Variants in TRIM44 observed in about 807,000 individuals in gnomAD.
The protein encoded by TRIM44 is tripartite motif-containing protein 44.
A neutral mutation model predicts 37.4 loss-of-function variants in TRIM44; 13 were observed. The ratio of observed to expected loss-of-function variants is 0.35; its 90% CI spans 0.23 to 0.55. The LOEUF (loss-of-function observed/expected upper bound fraction) is 0.55. Ranked by LOEUF, TRIM44 falls within the 20% of genes least tolerant of loss-of-function variation. TRIM44 has a pLI of 0.89. For missense variants in TRIM44, 426 were observed against 437.2 expected (o/e 0.97, Z 0.23); for synonymous variants, 175 against 157.2 (o/e 1.11, Z -0.85).
rs1852218063 is a variant in TRIM44, at chr11:35,728,831, C to T, written c.987+2668C>T. Among the ~76,000 whole-genome samples, 4 of 152,230 alleles carry T rather than the reference C, an allele frequency of 2.6e-5. No individual in the cohort carries two copies. In the South Asian group the frequency reaches 8.3e-4, roughly 32 times the overall value. ...CTAGATTCTCCTATTAACATTTTGCCGTACTTGCTTCATTACATATCTAGC... is the reference window on the plus strand; with the variant it reads ...CTAGATTCTCCTATTAACATTTTGCTGTACTTGCTTCATTACATATCTAGC... On this transcript the variant is annotated intron_variant, in intron 3 of 4. Coordinates refer to ENST00000299413, the MANE Select transcript of TRIM44 (RefSeq NM_017583.6).
At chr11:35,796,858 A>G (rs932081040) in intron 4 of TRIM44, among the ~76,000 whole-genome samples, 3 of 152,220 alleles carry the variant, frequency 2.0e-5, no homozygotes, top group African/African-American at 7.2e-5. Context: ...ATACATGCAT[A>G]TATATGCACA....
intron 1 of TRIM44, among the ~76,000 whole-genome samples, chr11:35,677,406 A>G (rs1469165558): frequency 6.6e-6 from 1 of 151,338 alleles, no homozygotes; most frequent in Non-Finnish European, 1.5e-5. Context: ...AATTTTAATT[A>G]GTAAAATATT....
chr11:35,720,910 T>C (rs1272867238), intron 2 of TRIM44, among the ~76,000 whole-genome samples: 1 of 131,880 alleles, frequency 7.6e-6, no homozygotes, highest in Non-Finnish European at 1.6e-5. Context: ...TATATAATTC[T>C]TTTTTTTTTT....
intron 1 of TRIM44, among the ~76,000 whole-genome samples, chr11:35,680,061 C>G (rs754667975): frequency 6.6e-6 from 1 of 152,158 alleles, no homozygotes; most frequent in Admixed American, 6.5e-5. Context: ...TTCAGACCCC[C>G]TGAAATCCAT....
chr11:35,721,980 C>G lies in TRIM44; in HGVS notation c.748-3944C>G, dbSNP rs140099563. ...GAGTCTGGCCTAAGTTTGGAAGGAG[C>G]TGTCTTGGAGTACAATGTAGGAATA... is the stretch of plus-strand genomic sequence containing the variant. On this transcript the variant is annotated intron_variant, in intron 2 of 4. Coordinates refer to ENST00000299413, the MANE Select transcript of TRIM44 (RefSeq NM_017583.6). 3.2e-4 allele frequency among the ~76,000 whole-genome samples: 49 copies of G among 152,338 alleles called. 1 individual carries two copies. The East Asian group carries it at 7.3e-3, about 23-fold the overall frequency.
intron 4 of TRIM44, among the ~76,000 whole-genome samples, chr11:35,774,859 T>C (rs1476599122): frequency 6.6e-6 from 1 of 152,234 alleles, no homozygotes; most frequent in Non-Finnish European, 1.5e-5. Flanking sequence ...CATGCTGTTT[T>C]GCTTACTGGA....
chr11:35,806,934 G>A lies in TRIM44; in HGVS notation c.*549G>A, dbSNP rs1369766771. The A allele has an allele frequency of 1.3e-5, 2 of 152,810 alleles. No individual in the cohort carries two copies. Among genetic ancestry groups the A allele is most frequent in the East Asian group, 3.9e-4 (2 of 5,180 alleles). 9.5% of individuals were successfully genotyped at this position (152,810 alleles called of 1,614,324 possible). ...AATTAAGATGGATGACTGGAAAAAGGTGTTGGAGAAAGAGTTAAAGATGAG... is the reference window on the plus strand; with the variant it reads ...AATTAAGATGGATGACTGGAAAAAGATGTTGGAGAAAGAGTTAAAGATGAG... On this transcript the variant is annotated 3_prime_UTR_variant, in exon 5 of 5. Transcript: ENST00000299413.
At chr11:35,722,858 T>C (rs542430524) in intron 2 of TRIM44, among the ~76,000 whole-genome samples, 49 of 152,336 alleles carry the variant, frequency 3.2e-4, no homozygotes, top group Non-Finnish European at 4.9e-4. Context: ...TTCAGACGCC[T>C]GTGACAAAAC....
At position 35,775,420 on chromosome 11, in the gene TRIM44, GA is replaced by G. The variant is rs1281619120; in HGVS notation, c.1008-30937del. Among the ~76,000 whole-genome samples the G allele has an allele frequency of 3.3e-5, 5 of 152,172 alleles. No individual in the cohort carries two copies. The East Asian group carries it at 9.6e-4, about 29-fold the overall frequency. On this transcript the variant is annotated intron_variant, in intron 4 of 4. Coordinates refer to ENST00000299413, the MANE Select transcript of TRIM44 (RefSeq NM_017583.6). ...TACAATCATATTATCTGCAAACAGG[GA>G]CAATTTGACTTCCTCTTTTGCTAAT...
chr11:35,729,567 T>C (rs1852227150), intron 3 of TRIM44, among the ~76,000 whole-genome samples: 1 of 152,164 alleles, frequency 6.6e-6, no homozygotes, highest in Admixed American at 6.6e-5. Context: ...TTATTGGAAT[T>C]TTATCATTCA....
chr11:35,788,082 C>G (rs560321222), intron 4 of TRIM44, among the ~76,000 whole-genome samples: 3 of 152,266 alleles, frequency 2.0e-5, no homozygotes, highest in East Asian at 3.9e-4. Flanking sequence ...CTACTGCTCC[C>G]CCATGAACAG....
chr11:35,673,307 ATT>A (rs1207146308), intron 1 of TRIM44, among the ~76,000 whole-genome samples: 1 of 151,850 alleles, frequency 6.6e-6, no homozygotes, highest in Non-Finnish European at 1.5e-5. Context: ...ATCTAGGGAA[ATT>A]TTCCTATTGT....
intron 2 of TRIM44, among the ~76,000 whole-genome samples, chr11:35,702,148 T>C (rs983280553): frequency 1.3e-5 from 2 of 152,248 alleles, no homozygotes. Context: ...TAAGCCACTC[T>C]GCTTAGCACT....
chr11:35,690,302 T>G (rs1295064389), intron 2 of TRIM44, among the ~76,000 whole-genome samples: 6 of 152,224 alleles, frequency 3.9e-5, no homozygotes, highest in Non-Finnish European at 1.5e-5. Flanking sequence ...AACTCTGCAA[T>G]CATTTGTCAT....
chr11:35,684,510 C>A (rs1227882561), intron 1 of TRIM44, among the ~76,000 whole-genome samples: 1 of 152,120 alleles, frequency 6.6e-6, no homozygotes, highest in Non-Finnish European at 1.5e-5. Context: ...GTGCTAATAT[C>A]TTTTAAAACA....
rs1399450262 is a variant in TRIM44, at chr11:35,808,976, A to G, written c.*2591A>G. On this transcript the variant is annotated 3_prime_UTR_variant, in exon 5 of 5. Transcript: ENST00000299413. ...GGTGGCAGGGTTTGCTGAAACCCCTAAAGAGAAGTCACCAAGGGAGGCAGG... is the reference window on the plus strand; with the variant it reads ...GGTGGCAGGGTTTGCTGAAACCCCTGAAGAGAAGTCACCAAGGGAGGCAGG... 1 of 152,250 alleles carries G rather than the reference A, an allele frequency of 6.6e-6. No homozygotes were observed. Among genetic ancestry groups the G allele is most frequent in the Non-Finnish European group, 1.5e-5 (1 of 68,056 alleles). 9.4% of individuals were successfully genotyped at this position (152,250 alleles called of 1,614,324 possible). A position where few individuals can be genotyped will look rare whatever the true frequency, so the allele number is the denominator to read the frequency against.
chr11:35,788,745 A>G (rs928824076), intron 4 of TRIM44, among the ~76,000 whole-genome samples: 1 of 152,180 alleles, frequency 6.6e-6, no homozygotes, highest in African/African-American at 2.4e-5. Context: ...TCAGTGGGCA[A>G]AAAGAGGCAT....
At chr11:35,710,844 G>A (rs1328492855) in intron 2 of TRIM44, among the ~76,000 whole-genome samples, 2 of 152,172 alleles carry the variant, frequency 1.3e-5, no homozygotes, top group African/African-American at 4.8e-5. Context: ...TTCTGCCAAA[G>A]AGGCGTATTT....
chr11:35,705,197 A>G (rs1472222032), intron 2 of TRIM44, among the ~76,000 whole-genome samples: 9 of 151,280 alleles, frequency 5.9e-5, no homozygotes, highest in Admixed American at 4.6e-4. Context: ...GGATCAATTC[A>G]ACAAGAAGAG....
Sources: allele counts gnomAD v4.1 joint callset (sites outside exome capture counted in the v4.1 genomes callset), GRCh38; gene constraint gnomAD v4.1.1; transcripts MANE v1.5; gene names NCBI Gene and HGNC (gene_info 2026-07-23, HGNC 2026-07-21).